The following CAPN8 variants were observed in gnomAD, a reference collection of about 807,000 sequenced individuals.
CAPN8 encodes the protein calpain 8.
CAPN8 carries 87 observed loss-of-function variants against 80.9 expected under a neutral mutation model. The observed-to-expected ratio is 1.07, with a 90% CI of 0.90 to 1.28. The LOEUF is 1.28. CAPN8 is among the 50% of genes most tolerant of loss of function. CAPN8 has a pLI of 0.00. For synonymous variants in CAPN8, 299 were observed against 273.8 expected (o/e 1.09, Z -0.91); for missense variants, 757 against 702.0 (o/e 1.08, Z -0.89).
intron 1 of CAPN8, among the ~76,000 whole-genome samples, chr1:223,663,365 TG>T (rs1658700899): frequency 6.6e-6 from 1 of 152,120 alleles, no homozygotes. Context: ...CCAAGACCCT[TG>T]GGATCTGCAA....
intron 14 of CAPN8, 89 bp from the exon 15 acceptor site, chr1:223,551,106 G>T: frequency 1.5e-6 from 1 of 685,032 alleles, no homozygotes. Context: ...CTCACAGTCA[G>T]ACACCAGGCC....
At chr1:223,657,843 T>C (rs1658540559) in intron 1 of CAPN8, among the ~76,000 whole-genome samples, 1 of 152,192 alleles carries the variant, frequency 6.6e-6, no homozygotes, top group Non-Finnish European at 1.5e-5. Context: ...ATCTGACTTC[T>C]ACATCCATAG....
At chr1:223,633,453 G>A (rs954847596) in intron 2 of CAPN8, among the ~76,000 whole-genome samples, 4 of 151,722 alleles carry the variant, frequency 2.6e-5, no homozygotes, top group Non-Finnish European at 5.9e-5. Flanking sequence ...CTTGAGGTCA[G>A]GAGTTCAAGA....
chr1:223,554,185 A>T (rs1419835834), intron 13 of CAPN8, among the ~76,000 whole-genome samples: 1 of 152,198 alleles, frequency 6.6e-6, no homozygotes, highest in African/African-American at 2.4e-5. Context: ...TGAATTTCTG[A>T]TTACAACCTG....
intron 9 of CAPN8, 78 bp downstream of exon 9, chr1:223,619,215 C>G: frequency 6.6e-7 from 1 of 1,507,354 alleles, no homozygotes; most frequent in East Asian, 2.5e-5. Flanking sequence ...CAAAATAGCA[C>G]CAAAAAATTA....
At chr1:223,657,875 C>G (rs1392247149) in intron 1 of CAPN8, among the ~76,000 whole-genome samples, 1 of 152,174 alleles carries the variant, frequency 6.6e-6, no homozygotes, top group Non-Finnish European at 1.5e-5. Flanking sequence ...TCCTCTCACC[C>G]ATGTCATCAA....
chr1:223,632,291 A>T (rs1254420548), intron 2 of CAPN8, among the ~76,000 whole-genome samples: 1 of 152,218 alleles, frequency 6.6e-6, no homozygotes. Context: ...GAAGATGGAC[A>T]TTTACTCTGC....
intron 1 of CAPN8, among the ~76,000 whole-genome samples, chr1:223,660,788 T>G (rs1658623000): frequency 6.6e-6 from 1 of 152,236 alleles, no homozygotes; most frequent in Non-Finnish European, 1.5e-5. Flanking sequence ...ATTTAGGCAG[T>G]GGACTTAAAG....
intron 10 of CAPN8, among the ~76,000 whole-genome samples, chr1:223,615,364 C>G (rs1395603868): frequency 1.3e-5 from 2 of 152,200 alleles, no homozygotes; most frequent in Non-Finnish European, 2.9e-5. Flanking sequence ...TTTAACATAT[C>G]TGTGAGGCTG....
At chr1:223,645,549 C>T (rs755838691) in intron 2 of CAPN8, among the ~76,000 whole-genome samples, 2 of 152,160 alleles carry the variant, frequency 1.3e-5, no homozygotes, top group Middle Eastern at 3.2e-3. Flanking sequence ...TAAGCCAAGT[C>T]TGAAGGGGGT....
rs1421192051 is a variant in CAPN8 at position 223,628,689 on chromosome 1, C to T, written c.399G>A (p.Glu133=). The change falls in exon 3 of 21, where the codon GAG becomes GAA. Residue 133 remains glutamate, a synonymous_variant. Coordinates refer to ENST00000366872, the MANE Select transcript of CAPN8 (RefSeq NM_001143962.2). Reference sequence around the variant, plus strand: ...GAAAGTGAAAGATTCCCGCATAGTTCTCCTGGAAGTCCTGGTCCCTGGGGA... The same window carrying T: ...GAAAGTGAAAGATTCCCGCATAGTTTTCCTGGAAGTCCTGGTCCCTGGGGA... ...RVVPRDQDFQ[E]NYAGIFHFQF... The T allele has an allele frequency of 1.9e-6, 3 of 1,551,726 alleles. No homozygotes were observed. Among genetic ancestry groups the T allele is most frequent in the South Asian group, 2.4e-5 (2 of 84,058 alleles).
intron 16 of CAPN8, among the ~76,000 whole-genome samples, chr1:223,546,759 C>A (rs1656632919): frequency 6.6e-6 from 1 of 152,156 alleles, no homozygotes; most frequent in Admixed American, 6.5e-5. Context: ...AGAATTTGGA[C>A]CCCTGTCTGT....
intron 17 of CAPN8, 55 bp downstream of exon 17, chr1:223,545,176 G>A: frequency 6.4e-7 from 1 of 1,551,450 alleles, no homozygotes; most frequent in East Asian, 2.4e-5. Flanking sequence ...CCAGGAATGA[G>A]TGTAAGGGAG....
chr1:223,545,438 C>T lies in CAPN8; in HGVS notation c.1765-139G>A, dbSNP rs1288927715. The T allele has an allele frequency of 1.9e-5, 25 of 1,294,182 alleles. 1 individual carries two copies. In the South Asian group the frequency reaches 2.4e-4, roughly 13 times the overall value. The allele number at this position is 1,294,182 out of a possible 1,614,324, so 80.2% of individuals were successfully genotyped here. On this transcript the variant is annotated intron_variant, in intron 16 of 20. Transcript: ENST00000366872. ...GTGGCAAGCAGAGCAGTGGGGGTGA[C>T]GGTGTGTAACAGGTTCAAATAAAGA...
chr1:223,638,360 G>GTGT (rs1558351160), intron 2 of CAPN8, among the ~76,000 whole-genome samples: 192 of 150,756 alleles, frequency 1.3e-3, no homozygotes, highest in African/African-American at 4.0e-3. Flanking sequence ...GACTGTATGG[G>GTGT]GTGTGTGTGT....
At chr1:223,548,772 C>T (rs1027660523) in intron 16 of CAPN8, among the ~76,000 whole-genome samples, 2 of 152,184 alleles carry the variant, frequency 1.3e-5, no homozygotes, top group African/African-American at 4.8e-5. Context: ...CCTAACACAC[C>T]ATACTTCAAT....
chr1:223,619,296 G>A lies in CAPN8; in HGVS notation c.1132C>T (p.Pro378Ser), dbSNP rs1172119789. 12 of 1,551,530 alleles carry A rather than the reference G, an allele frequency of 7.7e-6. No homozygotes were observed. Among genetic ancestry groups the A allele is most frequent in the Non-Finnish European group, 9.6e-6 (11 of 1,147,000 alleles). The change falls in exon 9 of 21, where the codon CCA becomes TCA. Residue 378 changes from proline (P) to serine (S), a missense_variant. Coordinates refer to ENST00000366872, the MANE Select transcript of CAPN8 (RefSeq NM_001143962.2). ...CCAAGGCAGCCCTTCACCTTACCTG[G>A]GTAGTTCTGGCAGCCCCCAGCTGTG... is the stretch of plus-strand genomic sequence containing the variant. The part of the protein sequence containing the change: ...GSTAGGCQNY[P>S]ATYWTNPQFK...
At chr1:223,549,498 G>T (rs1422128448) in intron 15 of CAPN8, 116 bp from the exon 16 acceptor site, 17 of 1,487,378 alleles carry the variant, frequency 1.1e-5, no homozygotes, top group Non-Finnish European at 1.5e-5. Flanking sequence ...ACCGAACTTG[G>T]TCTCTGCCAA....
intron 6 of CAPN8, among the ~76,000 whole-genome samples, chr1:223,625,365 A>G (rs935863824): frequency 2.0e-5 from 3 of 152,248 alleles, no homozygotes; most frequent in Admixed American, 1.3e-4. Context: ...TTTAGTTAGA[A>G]CCTATTGAGC....
Sources: gnomAD v4.1 joint callset for allele counts (sites outside exome capture counted in the v4.1 genomes callset) on GRCh38, gnomAD v4.1.1 for gene constraint, MANE v1.5 for transcripts, NCBI Gene and HGNC (gene_info 2026-07-23, HGNC 2026-07-21) for gene names.